TYW1: variants seen among roughly 807,000 people sequenced by gnomAD.
The protein encoded by TYW1 is tRNA-yW synthesizing protein 1 homolog.
TYW1 carries 46 observed loss-of-function variants against 96.2 expected under a neutral mutation model. The ratio of observed to expected loss-of-function variants is 0.48; its 90% CI spans 0.38 to 0.61. The LOEUF (loss-of-function observed/expected upper bound fraction) is 0.61. Among genes scored for constraint, TYW1 ranks in the 20% least tolerant of loss-of-function variants. The pLI is 0.00. For synonymous variants in TYW1, 274 were observed against 323.0 expected, an observed-to-expected ratio of 0.85 and a Z score of 1.63; for missense variants, 684 against 909.6, an observed-to-expected ratio of 0.75 and a Z score of 3.19.
At chr7:67,003,119 A>T (rs1793462321) in intron 3 of TYW1, among the ~76,000 whole-genome samples, 1 of 152,020 alleles carries the variant, frequency 6.6e-6, no homozygotes, top group Non-Finnish European at 1.5e-5. Context: ...CCAGACTTTC[A>T]TATCGAGTTA....
intron 8 of TYW1, among the ~76,000 whole-genome samples, chr7:67,052,860 C>T (rs2115570327): frequency 6.6e-6 from 1 of 152,154 alleles, no homozygotes; most frequent in African/African-American, 2.4e-5. Flanking sequence ...AGTGATTCAC[C>T]TGCCTCAGCC....
chr7:67,020,101 T>C (rs931899673), intron 6 of TYW1, among the ~76,000 whole-genome samples: 14 of 152,286 alleles, frequency 9.2e-5, no homozygotes, highest in Non-Finnish European at 1.9e-4. Flanking sequence ...TTACAGCCAG[T>C]GTGGAGGCTC....
intron 7 of TYW1, among the ~76,000 whole-genome samples, chr7:67,026,685 C>G (rs545049561): frequency 3.9e-4 from 59 of 151,944 alleles, no homozygotes; most frequent in African/African-American, 1.1e-3. Flanking sequence ...CACACCCAGC[C>G]AGGTCTGCCT....
chr7:67,116,145 G>A (rs542413193), intron 12 of TYW1, among the ~76,000 whole-genome samples: 1 of 152,098 alleles, frequency 6.6e-6, no homozygotes, highest in East Asian at 1.9e-4. Context: ...GGCCAACATA[G>A]TGAAACCCCT....
chr7:67,092,872 A>T (rs1283573563), intron 11 of TYW1, among the ~76,000 whole-genome samples: 1 of 151,372 alleles, frequency 6.6e-6, no homozygotes, highest in East Asian at 2.0e-4. Context: ...TTTGGTAGAG[A>T]TGGGGTTTCA....
At chr7:67,133,016 AAACTTG>A (rs1798132029) in intron 13 of TYW1, among the ~76,000 whole-genome samples, 1 of 152,120 alleles carries the variant, frequency 6.6e-6, no homozygotes, top group African/African-American at 2.4e-5. Flanking sequence ...TGTACATCTT[AAACTTG>A]AACTTGATTA....
At chr7:67,037,235 C>T (rs1278660896) in intron 7 of TYW1, among the ~76,000 whole-genome samples, 1 of 152,120 alleles carries the variant, frequency 6.6e-6, no homozygotes, top group African/African-American at 2.4e-5. Context: ...TAGCCGGGCG[C>T]AGTGGCTCAC....
intron 7 of TYW1, among the ~76,000 whole-genome samples, chr7:67,034,181 G>A (rs1466613831): frequency 6.7e-6 from 1 of 148,930 alleles, no homozygotes; most frequent in Non-Finnish European, 1.5e-5. Context: ...TCAGCTCACT[G>A]CAACCTCCTC....
intron 10 of TYW1, among the ~76,000 whole-genome samples, chr7:67,071,777 C>T (rs1248716552): frequency 6.6e-6 from 1 of 152,148 alleles, no homozygotes; most frequent in African/African-American, 2.4e-5. Context: ...CCCGCCACCA[C>T]ACCCGGCTAA....
intron 13 of TYW1, among the ~76,000 whole-genome samples, chr7:67,121,785 G>T (rs11764408): frequency 0.26 from 38,766 of 147,010 alleles, 5,952 homozygotes; most frequent in African/African-American, 0.42. Context: ...ACCCAAAGAA[G>T]AAGGTAGCAT....
intron 13 of TYW1, among the ~76,000 whole-genome samples, chr7:67,159,043 A>G (rs1269717707): frequency 6.6e-6 from 1 of 151,940 alleles, no homozygotes; most frequent in Non-Finnish European, 1.5e-5. Flanking sequence ...TGACTTTTAT[A>G]ATTTATTTTC....
At chr7:67,191,696 G>C (rs1800224090) in intron 14 of TYW1, among the ~76,000 whole-genome samples, 1 of 150,656 alleles carries the variant, frequency 6.6e-6, no homozygotes, top group Non-Finnish European at 1.5e-5. Flanking sequence ...GGCAGTCGCA[G>C]CAGAGAGAAA....
chr7:67,039,860 A>G (rs1197646525), intron 7 of TYW1, among the ~76,000 whole-genome samples: 1 of 151,568 alleles, frequency 6.6e-6, no homozygotes, highest in Non-Finnish European at 1.5e-5. Flanking sequence ...ACGGGGTTTC[A>G]CCGTGTTGGC....
chr7:67,231,520 CA>C (rs1801747708), intron 15 of TYW1, among the ~76,000 whole-genome samples: 1 of 152,166 alleles, frequency 6.6e-6, no homozygotes, highest in South Asian at 2.1e-4. Flanking sequence ...CTTTAATGTC[CA>C]AACGTGTTTT....
Position 67,016,318 on chromosome 7 carries a change from C to T in TYW1, c.571-1535C>T, listed in dbSNP as rs190428026. Among the ~76,000 whole-genome samples, 1,078 of 151,184 alleles carry T rather than the reference C, an allele frequency of 7.1e-3. 11 individuals carry two copies. Among genetic ancestry groups the T allele is most frequent in the Admixed American group, 0.012 (176 of 15,104 alleles). On this transcript the variant is annotated intron_variant, in intron 5 of 15. Coordinates refer to ENST00000359626, the MANE Select transcript of TYW1 (RefSeq NM_018264.4). The stretch of plus-strand genomic sequence containing the variant: ...ATGCCAGCACTTTGGGAGGCAGAGG[C>T]GGGCGGATCACCTGAGGTCGGGAGT...
At position 67,073,608 on chromosome 7, in the gene TYW1, T is replaced by TA. The variant is rs538915700; in HGVS notation, c.1274+6212dup. ...AACAGAGGGAAACCCCGTCTCTACT[T>TA]AAAAAAATACAAAAAATTAGCTGGG... On this transcript the variant is annotated intron_variant, in intron 10 of 15. Coordinates refer to ENST00000359626, the MANE Select transcript of TYW1 (RefSeq NM_018264.4). Among the ~76,000 whole-genome samples the TA allele has an allele frequency of 5.0e-3, 729 of 146,950 alleles. 2 individuals carry two copies. Among genetic ancestry groups the TA allele is most frequent in the Non-Finnish European group, 8.6e-3 (573 of 66,536 alleles).
intron 12 of TYW1, among the ~76,000 whole-genome samples, chr7:67,100,753 A>T (rs1797058917): frequency 6.8e-6 from 1 of 147,802 alleles, no homozygotes. Flanking sequence ...AGTCCCAGCT[A>T]GTCGGGAGGC....
intron 10 of TYW1, among the ~76,000 whole-genome samples, chr7:67,077,593 G>A (rs976718418): frequency 2.0e-5 from 3 of 152,030 alleles, no homozygotes; most frequent in Non-Finnish European, 2.9e-5. Flanking sequence ...TTATTTGTGG[G>A]TTTTTTTGCT....
At chr7:67,140,283 T>G (rs1033268326) in intron 13 of TYW1, among the ~76,000 whole-genome samples, 1 of 152,234 alleles carries the variant, frequency 6.6e-6, no homozygotes, top group African/African-American at 2.4e-5. Flanking sequence ...TTCTTTGCCT[T>G]TAGACTTTAT....
Sources: gnomAD v4.1 joint callset for allele counts (sites outside exome capture counted in the v4.1 genomes callset) on GRCh38, gnomAD v4.1.1 for gene constraint, MANE v1.5 for transcripts, NCBI Gene and HGNC (gene_info 2026-07-23, HGNC 2026-07-21) for gene names.